Variants in PDXDC1 observed in about 807,000 individuals in gnomAD.
The protein encoded by PDXDC1 is pyridoxal dependent decarboxylase domain containing 1.
Under a neutral mutation model 100.1 loss-of-function variants are expected in PDXDC1, and 42 were observed. The ratio of observed to expected loss-of-function variants is 0.42; its 90% CI spans 0.33 to 0.54. The LOEUF (loss-of-function observed/expected upper bound fraction) is 0.54, where lower values mean the gene tolerates loss of function less well. Among genes scored for constraint, PDXDC1 ranks in the 20% least tolerant of loss-of-function variants. PDXDC1 has a pLI of 0.10. For synonymous variants in PDXDC1, 260 were observed against 371.7 expected, an observed-to-expected ratio of 0.70 and a Z score of 3.46; for missense variants, 636 against 979.2, an observed-to-expected ratio of 0.65 and a Z score of 4.68.
chr16:15,096,372 G>C (rs577717880), intron 16 of PDXDC1, among the ~76,000 whole-genome samples: 1 of 152,150 alleles, frequency 6.6e-6, no homozygotes, highest in African/African-American at 2.4e-5. Flanking sequence ...GCATCCCAAA[G>C]TGCTGGGATT....
At chr16:15,006,655 C>T (rs1354903176) in intron 6 of PDXDC1, 72 bp downstream of exon 6, 12 of 1,404,736 alleles carry the variant, frequency 8.5e-6, no homozygotes, top group South Asian at 1.8e-5. Flanking sequence ...AAAGTTGACC[C>T]GTTTGTCTAG....
intron 8 of PDXDC1, among the ~76,000 whole-genome samples, chr16:15,010,057 A>C (rs1462770787): frequency 6.6e-6 from 1 of 152,248 alleles, no homozygotes; most frequent in African/African-American, 2.4e-5. Context: ...ATTTTATTTT[A>C]TTTTTTTGAG....
At position 15,130,040 on chromosome 16, in the gene PDXDC1, G is replaced by A. The variant is rs2047964927; in HGVS notation, c.1400-8839G>A. 4.7e-6 allele frequency: 6 copies of A among 1,273,548 alleles called. No individual in the cohort carries two copies. In the East Asian group the frequency reaches 1.5e-4, roughly 31 times the overall value. 78.9% of individuals were successfully genotyped at this position (1,273,548 alleles called of 1,614,324 possible). A position where few individuals can be genotyped will look rare whatever the true frequency, so the allele number is the denominator to read the frequency against. On this transcript the variant is annotated intron_variant, in intron 16 of 16. Coordinates refer to the PDXDC1 transcript ENST00000535621. ...GTAGGTCACCAGGCACACAGCACATGTCAGCATGACGATGTAGTTTACATC... is the reference window on the plus strand; with the variant it reads ...GTAGGTCACCAGGCACACAGCACATATCAGCATGACGATGTAGTTTACATC...
chr16:15,056,777 A>G (rs1385247480), intron 16 of PDXDC1, among the ~76,000 whole-genome samples: 1 of 152,192 alleles, frequency 6.6e-6, no homozygotes, highest in African/African-American at 2.4e-5. Flanking sequence ...TCTGTTTCTG[A>G]AAATAATAAA....
intron 16 of PDXDC1, chr16:15,084,738 A>G: frequency 1.3e-6 from 2 of 1,512,364 alleles, no homozygotes; most frequent in Non-Finnish European, 1.8e-6. Context: ...TATGAGCATC[A>G]AAACAAAACT....
intron 16 of PDXDC1, among the ~76,000 whole-genome samples, chr16:15,051,547 G>A (rs997675295): frequency 6.6e-6 from 1 of 151,970 alleles, no homozygotes; most frequent in East Asian, 1.9e-4. Flanking sequence ...GGGTCTCCCT[G>A]TGTTGCCCAG....
In PDXDC1 at chr16:15,054,694, T is replaced by C. The variant is rs189158085; in HGVS notation, c.1399+24638T>C. 7.2e-3 allele frequency among the ~76,000 whole-genome samples: 1,095 copies of C among 152,302 alleles called. 20 individuals carry two copies. Among genetic ancestry groups the C allele is most frequent in the Non-Finnish European group, 8.8e-3 (598 of 68,018 alleles). On this transcript the variant is annotated intron_variant, in intron 16 of 16. Transcript: ENST00000535621. ...CTTCAGAACACGTTCAGGGGTCATT[T>C]TGTGACCTCATTTATGCAGCAAATC...
chr16:15,033,077 T>A, intron 18 of PDXDC1, 98 bp downstream of exon 18: 1 of 986,920 alleles, frequency 1.0e-6, no homozygotes, highest in East Asian at 2.4e-5. Flanking sequence ...CTAGCGCCTC[T>A]CGGGCTGGGT....
At chr16:15,010,425 T>C (rs2041162792) in intron 8 of PDXDC1, 1 of 154,720 alleles carries the variant, frequency 6.5e-6, no homozygotes, top group Admixed American at 6.5e-5. Flanking sequence ...ACAAGCAAGA[T>C]GTTGGCTTAA....
intron 8 of PDXDC1, among the ~76,000 whole-genome samples, chr16:15,014,480 C>T (rs2041630415): frequency 6.6e-6 from 1 of 152,286 alleles, no homozygotes; most frequent in Non-Finnish European, 1.5e-5. Flanking sequence ...GGCACTAACA[C>T]AGCAGTACGC....
chr16:15,148,813 G>C, the PDXDC1 span, among the ~76,000 whole-genome samples: 2 of 152,092 alleles, frequency 1.3e-5, no homozygotes, highest in Non-Finnish European at 2.9e-5. Flanking sequence ...GGGCGCTCGG[G>C]TGCCCCACAT....
chr16:15,020,355 C>T (rs1289211872), intron 12 of PDXDC1, among the ~76,000 whole-genome samples: 1 of 152,266 alleles, frequency 6.6e-6, no homozygotes, highest in Non-Finnish European at 1.5e-5. Context: ...TAAATATATT[C>T]TTGGGGAGTT....
chr16:15,023,254 C>G (rs1156885519), intron 13 of PDXDC1, among the ~76,000 whole-genome samples: 3 of 152,270 alleles, frequency 2.0e-5, no homozygotes, highest in Non-Finnish European at 4.4e-5. Flanking sequence ...AGATTGTTCC[C>G]TAGGCATAAC....
chr16:15,017,942 G>A (rs2041916516), intron 11 of PDXDC1, among the ~76,000 whole-genome samples: 1 of 152,218 alleles, frequency 6.6e-6, no homozygotes, highest in African/African-American at 2.4e-5. Context: ...TTACAGGCAT[G>A]CGCCACCACG....
At chr16:15,016,782 C>T (rs1401921966) in intron 9 of PDXDC1, among the ~76,000 whole-genome samples, 1 of 152,280 alleles carries the variant, frequency 6.6e-6, no homozygotes, top group Non-Finnish European at 1.5e-5. Flanking sequence ...ACGTGGGCAG[C>T]CAGAGTAGCC....
chr16:15,007,444 G>T (rs559499755), intron 6 of PDXDC1, among the ~76,000 whole-genome samples: 149 of 152,330 alleles, frequency 9.8e-4, no homozygotes, highest in Non-Finnish European at 1.5e-3. Flanking sequence ...AAAGTGCTGG[G>T]ATTACAGGTG....
the PDXDC1 span, among the ~76,000 whole-genome samples, chr16:15,150,316 G>A: frequency 6.6e-6 from 1 of 151,304 alleles, no homozygotes; most frequent in Non-Finnish European, 1.5e-5. Context: ...ACTCCAGCCT[G>A]GGCAACAGAG....
intron 16 of PDXDC1, among the ~76,000 whole-genome samples, chr16:15,068,569 T>C (rs1187386137): frequency 6.6e-6 from 1 of 152,188 alleles, no homozygotes; most frequent in African/African-American, 2.4e-5. Context: ...GCAAGCTCAG[T>C]GTATGCTGAG....
At chr16:15,148,806 C>A in the PDXDC1 span, among the ~76,000 whole-genome samples, 1 of 152,142 alleles carries the variant, frequency 6.6e-6, no homozygotes, top group South Asian at 2.1e-4. Context: ...CTGCAGTGGG[C>A]GCTCGGGTGC....
Sources: gnomAD v4.1 joint callset for allele counts (sites outside exome capture counted in the v4.1 genomes callset) on GRCh38, gnomAD v4.1.1 for gene constraint, MANE v1.5 for transcripts, NCBI Gene and HGNC (gene_info 2026-07-23, HGNC 2026-07-21) for gene names.